Variants in C12orf42 observed in about 807,000 individuals in gnomAD.
C12orf42 encodes chromosome 12 open reading frame 42.
Under a neutral mutation model 21.6 loss-of-function variants are expected in C12orf42, and 25 were observed. The observed-to-expected ratio is 1.16, with a 90% CI of 0.84 to 1.62. The LOEUF is 1.62. Among genes scored for constraint, C12orf42 ranks in the 40% most tolerant of loss-of-function variants. The pLI is 0.00. For synonymous variants in C12orf42, 174 were observed against 175.0 expected (o/e 0.99, Z 0.05); for missense variants, 483 against 459.3 (o/e 1.05, Z -0.47).
At chr12:103,448,436 A>G (rs1284120878) in intron 2 of C12orf42, among the ~76,000 whole-genome samples, 1 of 151,970 alleles carries the variant, frequency 6.6e-6, no homozygotes, top group African/African-American at 2.4e-5. Context: ...AACAAAGATA[A>G]ATACATGGGG....
rs60577440 is a variant in C12orf42 at position 103,294,583 on chromosome 12, G to GGAAAGAAAGAAAGAAAGAAA, written n.338-17393_338-17374dup. On this transcript the variant is annotated intron_variant and non_coding_transcript_variant, in intron 4 of 6. Transcript: ENST00000546526. ...AAAGAAAAAGAAAGGAAGGAAGGAAGGAAAGAAAGAAAGAAAGAAAGAAAG... is the reference window on the plus strand; with the variant it reads ...AAAGAAAAAGAAAGGAAGGAAGGAAGGAAAGAAAGAAAGAAAGAAAGAAAGAAAGAAAGAAAGAAAGAAAG... Among the ~76,000 whole-genome samples, 59 of 80,356 alleles carry GGAAAGAAAGAAAGAAAGAAA rather than the reference G, an allele frequency of 7.3e-4. 1 individual carries two copies. Among genetic ancestry groups the GGAAAGAAAGAAAGAAAGAAA allele is most frequent in the Admixed American group, 1.4e-3 (10 of 6,992 alleles). 52.7% of individuals were successfully genotyped at this position (80,356 alleles called of 152,430 possible). A position where few individuals can be genotyped will look rare whatever the true frequency, so the allele number is the denominator to read the frequency against.
intron 3 of C12orf42, among the ~76,000 whole-genome samples, chr12:103,394,921 CA>C (rs1362232582): frequency 2.0e-5 from 3 of 152,194 alleles, no homozygotes; most frequent in Non-Finnish European, 2.9e-5. Context: ...ATTCCAGGAA[CA>C]GCAACTAAAC....
intron 3 of C12orf42, among the ~76,000 whole-genome samples, chr12:103,397,133 C>G (rs1009710437): frequency 6.6e-6 from 1 of 152,204 alleles, no homozygotes; most frequent in Non-Finnish European, 1.5e-5. Flanking sequence ...TAACTTGATA[C>G]TTTCATTCGC....
At chr12:103,284,749 C>A (rs776241505) in intron 4 of C12orf42, among the ~76,000 whole-genome samples, 1 of 152,214 alleles carries the variant, frequency 6.6e-6, no homozygotes, top group Non-Finnish European at 1.5e-5. Context: ...TCTATGACAA[C>A]TCATGGGTTT....
chr12:103,080,585 T>C, the C12orf42 span, among the ~76,000 whole-genome samples: 2 of 152,200 alleles, frequency 1.3e-5, no homozygotes, highest in South Asian at 2.1e-4. Flanking sequence ...ACTTAAAATT[T>C]AGTTTTCTAT....
the C12orf42 span, among the ~76,000 whole-genome samples, chr12:103,112,722 C>A: frequency 6.6e-6 from 1 of 152,246 alleles, no homozygotes; most frequent in East Asian, 1.9e-4. Context: ...AGATGAAATA[C>A]AAACTAAGTC....
chr12:103,112,635 T>A, the C12orf42 span, among the ~76,000 whole-genome samples: 2 of 152,182 alleles, frequency 1.3e-5, no homozygotes, highest in African/African-American at 4.8e-5. Context: ...CATTCCAGCC[T>A]GGGCAACAGA....
intron 3 of C12orf42, among the ~76,000 whole-genome samples, chr12:103,381,636 G>T (rs749833514): frequency 6.6e-6 from 1 of 152,148 alleles, no homozygotes; most frequent in Non-Finnish European, 1.5e-5. Context: ...GCTTTATCTT[G>T]GGCCGGGTTG....
At chr12:103,159,097 T>G in the C12orf42 span, among the ~76,000 whole-genome samples, 45,800 of 152,104 alleles carry the variant, frequency 0.3, 7,360 homozygotes, top group East Asian at 0.4. Context: ...CCTCCTGGTA[T>G]AGAAAGGAGA....
the C12orf42 span, among the ~76,000 whole-genome samples, chr12:103,146,641 G>A: frequency 8.9e-5 from 13 of 146,740 alleles, no homozygotes; most frequent in Admixed American, 5.6e-4. Context: ...TAACATAAAT[G>A]AGCATGTGGA....
chr12:103,362,757 C>T (rs1393983915), intron 4 of C12orf42, among the ~76,000 whole-genome samples: 3 of 151,892 alleles, frequency 2.0e-5, no homozygotes, highest in Admixed American at 6.6e-5. Context: ...CTTCAGAGTT[C>T]GAAGACAAGG....
At chr12:103,531,033 C>T in the C12orf42 span, among the ~76,000 whole-genome samples, 1 of 152,122 alleles carries the variant, frequency 6.6e-6, no homozygotes, top group Non-Finnish European at 1.5e-5. Context: ...CCCACATTGC[C>T]CAACAATTCC....
chr12:103,559,885 G>A, the C12orf42 span: 1 of 152,140 alleles, frequency 6.6e-6, no homozygotes, highest in Non-Finnish European at 1.5e-5. Flanking sequence ...AATTGTTATT[G>A]ATTATTATTC....
upstream of C12orf42, among the ~76,000 whole-genome samples, chr12:103,499,322 T>G (rs1315841442): frequency 6.6e-6 from 1 of 152,248 alleles, no homozygotes; most frequent in Non-Finnish European, 1.5e-5. Flanking sequence ...TTGTCATCAT[T>G]TCACAATGTA....
intron 3 of C12orf42, among the ~76,000 whole-genome samples, chr12:103,392,469 G>A (rs1159405312): frequency 6.6e-6 from 1 of 152,182 alleles, no homozygotes; most frequent in African/African-American, 2.4e-5. Flanking sequence ...AACATAGAAT[G>A]TCTTTCCATT....
the C12orf42 span, among the ~76,000 whole-genome samples, chr12:103,096,980 A>G: frequency 9.8e-5 from 15 of 152,286 alleles, no homozygotes; most frequent in South Asian, 2.7e-3. Context: ...TGATAGGCAA[A>G]CAATCACTGT....
At chr12:103,517,705 T>G in the C12orf42 span, among the ~76,000 whole-genome samples, 64 of 152,170 alleles carry the variant, frequency 4.2e-4, 1 homozygote, top group Admixed American at 4.1e-3. Flanking sequence ...TGAGAATGTC[T>G]TTTTTCTCAA....
At chr12:103,316,132 A>G (rs2039470026) in intron 4 of C12orf42, among the ~76,000 whole-genome samples, 1 of 150,934 alleles carries the variant, frequency 6.6e-6, no homozygotes, top group South Asian at 2.1e-4. Flanking sequence ...CACACACAGT[A>G]CTATATAGTA....
chr12:103,464,534 T>C (rs1027966113), intron 2 of C12orf42, among the ~76,000 whole-genome samples: 3 of 152,150 alleles, frequency 2.0e-5, no homozygotes, highest in African/African-American at 7.2e-5. Context: ...ACTCTGATGA[T>C]AGTTTCTATT....
Sources: gnomAD v4.1 joint callset for allele counts (sites outside exome capture counted in the v4.1 genomes callset) on GRCh38, gnomAD v4.1.1 for gene constraint, MANE v1.5 for transcripts, NCBI Gene and HGNC (gene_info 2026-07-23, HGNC 2026-07-21) for gene names.